The following NOL4 variants were observed in gnomAD, a reference collection of about 807,000 sequenced individuals.
The protein encoded by NOL4 is cancer/testis antigen 125.
A neutral mutation model predicts 75.9 loss-of-function variants in NOL4; 17 were observed. The observed-to-expected ratio is 0.22, with a 90% CI of 0.15 to 0.34. The LOEUF (loss-of-function observed/expected upper bound fraction) is 0.34, where lower values mean the gene tolerates loss of function less well. Among genes scored for constraint, NOL4 ranks in the 10% least tolerant of loss-of-function variants. The pLI is 1.00. For synonymous variants in NOL4, 292 were observed against 289.9 expected, an observed-to-expected ratio of 1.01 and a Z score of -0.07; for missense variants, 614 against 793.5, an observed-to-expected ratio of 0.77 and a Z score of 2.72.
At chr18:34,112,972 T>C (rs1488788690) in intron 2 of NOL4, among the ~76,000 whole-genome samples, 3 of 152,124 alleles carry the variant, frequency 2.0e-5, no homozygotes, top group Admixed American at 2.0e-4. Flanking sequence ...ACCTAACATA[T>C]ATAAAATCTG....
Position 34,042,852 on chromosome 18 carries a change from T to C in NOL4, c.773-23251A>G, listed in dbSNP as rs148241057. Among the ~76,000 whole-genome samples the C allele has an allele frequency of 9.9e-5, 15 of 152,204 alleles. No homozygotes were observed. In the East Asian group the frequency reaches 1.9e-3, roughly 20 times the overall value. On this transcript the variant is annotated intron_variant, in intron 5 of 10. Transcript: ENST00000261592. ...TGCACTAATCTTCATCATGACATTT[T>C]TCACACTTGGGAAATAGGTCGAATC...
intron 6 of NOL4, among the ~76,000 whole-genome samples, chr18:34,008,363 A>G (rs1056003885): frequency 8.3e-6 from 1 of 119,864 alleles, no homozygotes; most frequent in Non-Finnish European, 1.8e-5. Context: ...ATCACTTTCT[A>G]TCTGTCTGTC....
rs1403932048 is a variant in NOL4, at chr18:34,139,139, CT to C, written c.265-9120del. 4.6e-5 allele frequency among the ~76,000 whole-genome samples: 7 copies of C among 152,066 alleles called. No homozygotes were observed. The East Asian group carries it at 1.4e-3, about 29-fold the overall frequency. Reference sequence around the variant, plus strand: ...TCAGGGATATTGGTCTAAAATTCTCCTTTTTTGTTGTGTCTCTGCCAGGCTT... The same window carrying C: ...TCAGGGATATTGGTCTAAAATTCTCCTTTTTGTTGTGTCTCTGCCAGGCTT... On this transcript the variant is annotated intron_variant, in intron 1 of 10. Coordinates refer to ENST00000261592, the MANE Select transcript of NOL4 (RefSeq NM_003787.5).
At chr18:34,153,962 C>T (rs748811782) in intron 1 of NOL4, among the ~76,000 whole-genome samples, 4 of 151,968 alleles carry the variant, frequency 2.6e-5, no homozygotes, top group Non-Finnish European at 4.4e-5. Context: ...CAAACTTAAT[C>T]ACACAGCCAT....
intron 5 of NOL4, chr18:34,048,638 C>T (rs2076491202): frequency 2.0e-6 from 2 of 983,504 alleles, no homozygotes; most frequent in African/African-American, 3.5e-5. Context: ...GTTGCTATGA[C>T]AACGGAGCAC....
At chr18:34,097,405 C>T (rs891771615) in intron 4 of NOL4, among the ~76,000 whole-genome samples, 1 of 151,898 alleles carries the variant, frequency 6.6e-6, no homozygotes, top group Non-Finnish European at 1.5e-5. Flanking sequence ...CCAGGTCCCA[C>T]ATATCAGACC....
At chr18:33,985,844 C>T (rs1316511117) in intron 6 of NOL4, among the ~76,000 whole-genome samples, 1 of 152,114 alleles carries the variant, frequency 6.6e-6, no homozygotes. Flanking sequence ...CTTAATCTCT[C>T]TAAATCTATT....
intron 6 of NOL4, among the ~76,000 whole-genome samples, chr18:34,004,229 T>A (rs1298167832): frequency 1.3e-5 from 2 of 152,070 alleles, no homozygotes; most frequent in Non-Finnish European, 2.9e-5. Context: ...ATGTTACATG[T>A]ATTGATTGAT....
chr18:34,028,956 C>T (rs2144622193), intron 5 of NOL4, among the ~76,000 whole-genome samples: 1 of 152,172 alleles, frequency 6.6e-6, no homozygotes, highest in Middle Eastern at 3.4e-3. Flanking sequence ...GTCTATATCC[C>T]TTTTTCCTTT....
chr18:34,043,240 T>C (rs773360583), intron 5 of NOL4, among the ~76,000 whole-genome samples: 1 of 152,098 alleles, frequency 6.6e-6, no homozygotes, highest in Non-Finnish European at 1.5e-5. Context: ...ATTGAATGAA[T>C]GACAAATAAA....
intron 1 of NOL4, among the ~76,000 whole-genome samples, chr18:34,190,281 A>G (rs2034818775): frequency 6.6e-6 from 1 of 151,966 alleles, no homozygotes; most frequent in Admixed American, 6.6e-5. Context: ...GCTCTTGGTA[A>G]GTATGGCTAG....
intron 4 of NOL4, among the ~76,000 whole-genome samples, chr18:34,094,731 CAGT>C (rs1191851069): frequency 1.2e-4 from 19 of 152,144 alleles, no homozygotes; most frequent in African/African-American, 4.6e-4. Flanking sequence ...TAATAATCAG[CAGT>C]AGTAGTGCTG....
intron 9 of NOL4, among the ~76,000 whole-genome samples, chr18:33,942,591 A>G (rs1474009586): frequency 6.6e-6 from 1 of 151,900 alleles, no homozygotes; most frequent in African/African-American, 2.4e-5. Flanking sequence ...GTATATCCTC[A>G]TTTTGTGACT....
intron 1 of NOL4, among the ~76,000 whole-genome samples, chr18:34,209,912 C>T (rs1315300613): frequency 1.3e-5 from 2 of 152,134 alleles, no homozygotes; most frequent in African/African-American, 4.8e-5. Context: ...CTTCAGGAAA[C>T]ACTAAGTTCC....
At chr18:34,035,216 C>T (rs1332870399) in intron 5 of NOL4, among the ~76,000 whole-genome samples, 2 of 152,190 alleles carry the variant, frequency 1.3e-5, no homozygotes, top group East Asian at 3.9e-4. Flanking sequence ...TATGTTAGGC[C>T]ACAAAGCAAG....
intron 6 of NOL4, among the ~76,000 whole-genome samples, chr18:33,978,305 C>T (rs762930126): frequency 2.6e-5 from 4 of 151,932 alleles, no homozygotes; most frequent in East Asian, 1.9e-4. Context: ...AAGAGTCTTG[C>T]GAAGGTAGAG....
At chr18:33,925,445 T>C (rs2067268253) in intron 9 of NOL4, among the ~76,000 whole-genome samples, 1 of 152,168 alleles carries the variant, frequency 6.6e-6, no homozygotes, top group Non-Finnish European at 1.5e-5. Context: ...AATTGGACAG[T>C]TCCCTAGAAA....
chr18:33,895,126 T>C (rs979732237), intron 9 of NOL4, among the ~76,000 whole-genome samples: 1 of 152,102 alleles, frequency 6.6e-6, no homozygotes, highest in Non-Finnish European at 1.5e-5. Flanking sequence ...CAAGATAATA[T>C]GAATAAATTC....
At chr18:34,165,212 C>T (rs1353406151) in intron 1 of NOL4, among the ~76,000 whole-genome samples, 1 of 150,520 alleles carries the variant, frequency 6.6e-6, no homozygotes, top group Non-Finnish European at 1.5e-5. Context: ...GCACATTGTG[C>T]ACATGTACCC....
Sources: allele counts gnomAD v4.1 joint callset (sites outside exome capture counted in the v4.1 genomes callset), GRCh38; gene constraint gnomAD v4.1.1; transcripts MANE v1.5; gene names NCBI Gene and HGNC (gene_info 2026-07-23, HGNC 2026-07-21).